The following IQGAP2 variants were observed in gnomAD, a reference collection of about 807,000 sequenced individuals.
The protein encoded by IQGAP2 is IQ motif containing GTPase activating protein 2.
Under a neutral mutation model 201.3 loss-of-function variants are expected in IQGAP2, and 173 were observed. The observed-to-expected ratio is 0.86, with a 90% CI of 0.76 to 0.98. IQGAP2 has a LOEUF of 0.98. Ranked by LOEUF, IQGAP2 falls within the 50% of genes least tolerant of loss-of-function variation. The pLI is 0.00. For missense variants in IQGAP2, 1,687 were observed against 1,864.8 expected, an observed-to-expected ratio of 0.90 and a Z score of 1.76; for synonymous variants, 675 against 673.9, an observed-to-expected ratio of 1.00 and a Z score of -0.03.
At chr5:76,460,881 T>C (rs1294256880) in intron 1 of IQGAP2, among the ~76,000 whole-genome samples, 29 of 132,530 alleles carry the variant, frequency 2.2e-4, no homozygotes, top group Admixed American at 1.1e-3. Context: ...TTTTTTTTTT[T>C]TTCCCTGAGA....
intron 5 of IQGAP2, among the ~76,000 whole-genome samples, chr5:76,585,074 A>T (rs1214952616): frequency 6.6e-6 from 1 of 152,242 alleles, no homozygotes; most frequent in East Asian, 1.9e-4. Flanking sequence ...TATCTAAATT[A>T]TTGGTGGATA....
chr5:76,682,974 A>T, intron 28 of IQGAP2, 141 bp from the exon 29 acceptor site: 3 of 498,476 alleles, frequency 6.0e-6, no homozygotes, highest in Non-Finnish European at 1.1e-5. Flanking sequence ...AACTGTATCT[A>T]TGTCTCTAAT....
In IQGAP2 at chr5:76,592,889, C is replaced by G. The variant is rs1037431073; in HGVS notation, c.871C>G (p.Gln291Glu). The G allele has an allele frequency of 5.6e-6, 9 of 1,612,402 alleles. No homozygotes were observed. Among genetic ancestry groups the G allele is most frequent in the Admixed American group, 1.7e-5 (1 of 60,010 alleles). Reference sequence around the variant, plus strand: ...AGATGCTTATGAAGAACTGCTGACACAAGCAGAAATCCAAGGCAATATTAA... The same window carrying G: ...AGATGCTTATGAAGAACTGCTGACAGAAGCAGAAATCCAAGGCAATATTAA... ...ERDAYEELLT[Q>E]AEIQGNINKV... is the part of the protein sequence containing the mutation. The change falls in exon 9 of 36, where the codon CAA (glutamine) becomes GAA (glutamate). Residue 291 changes from glutamine (Q) to glutamate (E), a missense_variant. Coordinates refer to ENST00000274364, the MANE Select transcript of IQGAP2 (RefSeq NM_006633.5).
At chr5:76,609,214 G>C in intron 12 of IQGAP2, 2 of 1,535,970 alleles carry the variant, frequency 1.3e-6, no homozygotes, top group Non-Finnish European at 1.7e-6. Context: ...ACCATTTTTG[G>C]ATGGGGTGTT....
intron 3 of IQGAP2, among the ~76,000 whole-genome samples, chr5:76,568,199 G>GT (rs1366160595): frequency 6.6e-6 from 1 of 152,162 alleles, no homozygotes; most frequent in African/African-American, 2.4e-5. Context: ...TAGTTTAAAA[G>GT]GATGAAGGAT....
chr5:76,623,838 G>A (rs1749955315), intron 13 of IQGAP2, among the ~76,000 whole-genome samples: 1 of 151,044 alleles, frequency 6.6e-6, no homozygotes, highest in African/African-American at 2.4e-5. Flanking sequence ...TTCCATCAAT[G>A]TAATATTGAT....
intron 18 of IQGAP2, among the ~76,000 whole-genome samples, chr5:76,653,138 G>A (rs928829762): frequency 5.9e-5 from 9 of 152,306 alleles, no homozygotes; most frequent in African/African-American, 2.2e-4. Context: ...ACTTTAGGTA[G>A]AACCCAGCTT....
intron 18 of IQGAP2, 56 bp downstream of exon 18, chr5:76,652,889 C>T: frequency 1.8e-6 from 2 of 1,118,086 alleles, no homozygotes; most frequent in Non-Finnish European, 2.7e-6. Flanking sequence ...CCCCTCATTT[C>T]ATGTTTAATC....
At chr5:76,580,718 C>T (rs1745792098) in intron 5 of IQGAP2, among the ~76,000 whole-genome samples, 1 of 152,066 alleles carries the variant, frequency 6.6e-6, no homozygotes, top group African/African-American at 2.4e-5. Flanking sequence ...TCTTTCTGGC[C>T]CACTTCCTTG....
rs201738162 is a variant in IQGAP2, at chr5:76,618,136, G to A, written c.1521+6953G>A. On this transcript the variant is annotated intron_variant, in intron 13 of 35. Coordinates refer to ENST00000274364, the MANE Select transcript of IQGAP2 (RefSeq NM_006633.5). ...AAAGGATGGACGATGGCCAGGTAGC[G>A]GTTGATGCTGATGCAGGCAAGGAGC... The A allele has an allele frequency of 5.6e-5, 91 of 1,614,156 alleles. 2 individuals carry two copies. Among genetic ancestry groups the A allele is most frequent in the South Asian group, 2.2e-4 (20 of 91,084 alleles).
intron 2 of IQGAP2, among the ~76,000 whole-genome samples, chr5:76,543,423 G>A (rs1742904590): frequency 6.6e-6 from 1 of 152,238 alleles, no homozygotes; most frequent in Non-Finnish European, 1.5e-5. Flanking sequence ...AAATGTGCAA[G>A]CGGGCCTCAG....
At chr5:76,640,568 G>C (rs1751492503) in intron 16 of IQGAP2, among the ~76,000 whole-genome samples, 2 of 152,318 alleles carry the variant, frequency 1.3e-5, no homozygotes, top group Admixed American at 6.5e-5. Flanking sequence ...TTCCTTGGCA[G>C]TCCGAGGGAA....
intron 32 of IQGAP2, 54 bp downstream of exon 32, chr5:76,695,720 C>A: frequency 7.0e-7 from 1 of 1,419,030 alleles, no homozygotes. Context: ...TTGCTAATCA[C>A]CAGTCAAGTG....
intron 2 of IQGAP2, among the ~76,000 whole-genome samples, chr5:76,539,988 G>A (rs1158284245): frequency 6.6e-6 from 1 of 152,160 alleles, no homozygotes; most frequent in Non-Finnish European, 1.5e-5. Flanking sequence ...TTGATCAGTA[G>A]GCTTAAAATG....
chr5:76,424,167 G>C (rs1474755540), intron 1 of IQGAP2, among the ~76,000 whole-genome samples: 1 of 152,266 alleles, frequency 6.6e-6, no homozygotes, highest in South Asian at 2.1e-4. Context: ...TGTAGAATTC[G>C]TGAGGGGCTT....
intron 16 of IQGAP2, among the ~76,000 whole-genome samples, chr5:76,638,924 G>T (rs773980499): frequency 1.3e-5 from 2 of 152,112 alleles, no homozygotes; most frequent in Non-Finnish European, 2.9e-5. Context: ...AACAGGAGGG[G>T]GTAAAGTCAG....
intron 10 of IQGAP2, 65 bp downstream of exon 10, chr5:76,597,667 C>G: frequency 1.3e-6 from 2 of 1,549,144 alleles, no homozygotes; most frequent in South Asian, 1.1e-5. Context: ...ACTAGGGAAG[C>G]CTAGTTAGGA....
intron 1 of IQGAP2, among the ~76,000 whole-genome samples, chr5:76,435,562 G>A (rs1372583154): frequency 4.6e-5 from 7 of 152,128 alleles, no homozygotes; most frequent in African/African-American, 1.7e-4. Flanking sequence ...TTTTATACCA[G>A]TACCATGCTA....
At chr5:76,443,375 A>G (rs1286449038) in intron 1 of IQGAP2, among the ~76,000 whole-genome samples, 2 of 152,060 alleles carry the variant, frequency 1.3e-5, no homozygotes, top group Non-Finnish European at 2.9e-5. Context: ...AGTCCCAGCT[A>G]CTTGGGAGGA....
Sources: gnomAD v4.1 joint callset for allele counts (sites outside exome capture counted in the v4.1 genomes callset) on GRCh38, gnomAD v4.1.1 for gene constraint, MANE v1.5 for transcripts, NCBI Gene and HGNC (gene_info 2026-07-23, HGNC 2026-07-21) for gene names.